Variants in UNC45B observed in about 807,000 individuals in gnomAD.
UNC45B encodes the protein protein unc-45 homolog B.
A neutral mutation model predicts 98.7 loss-of-function variants in UNC45B; 78 were observed. The ratio of observed to expected loss-of-function variants is 0.79; its 90% CI spans 0.66 to 0.95. The LOEUF is 0.95. Among genes scored for constraint, UNC45B ranks in the 40% least tolerant of loss-of-function variants. UNC45B has a pLI of 0.00. For synonymous variants in UNC45B, 462 were observed against 480.4 expected (o/e 0.96, Z 0.50); for missense variants, 1,225 against 1,184.9 (o/e 1.03, Z -0.50).
intron 9 of UNC45B, among the ~76,000 whole-genome samples, chr17:35,167,180 GTGT>G (rs372710378): frequency 1.8e-3 from 271 of 152,332 alleles, no homozygotes; most frequent in African/African-American, 6.0e-3. Context: ...AGGCCTTTTT[GTGT>G]TGTTGTCAAT....
At chr17:35,164,971 C>T (rs902650417) in intron 9 of UNC45B, among the ~76,000 whole-genome samples, 6 of 151,940 alleles carry the variant, frequency 3.9e-5, no homozygotes, top group Admixed American at 1.3e-4. Context: ...TGGGCTCAAG[C>T]GATCCTCCTG....
At chr17:35,169,008 G>A (rs1328912613) in intron 10 of UNC45B, among the ~76,000 whole-genome samples, 2 of 150,730 alleles carry the variant, frequency 1.3e-5, no homozygotes, top group Non-Finnish European at 3.0e-5. Context: ...TGCCTGGCCT[G>A]AAATTATTAT....
chr17:35,174,656 C>T (rs547064382), intron 14 of UNC45B, among the ~76,000 whole-genome samples: 3 of 151,982 alleles, frequency 2.0e-5, no homozygotes, highest in East Asian at 3.9e-4. Flanking sequence ...CCCATCTGTA[C>T]AAAAAAATTT....
At chr17:35,186,240 A>G (rs2092302489) in intron 19 of UNC45B, 59 bp from the exon 20 acceptor site, 2 of 1,589,586 alleles carry the variant, frequency 1.3e-6, no homozygotes, top group Non-Finnish European at 1.7e-6. Flanking sequence ...TTTCCAACAC[A>G]TGAACTCTGG....
intron 4 of UNC45B, among the ~76,000 whole-genome samples, chr17:35,150,968 A>G (rs2142528264): frequency 6.6e-6 from 1 of 152,154 alleles, no homozygotes; most frequent in Non-Finnish European, 1.5e-5. Context: ...GCTGGAGTAC[A>G]GTGGCATGAT....
chr17:35,161,447 T>C (rs182908587), intron 8 of UNC45B, among the ~76,000 whole-genome samples: 4 of 152,082 alleles, frequency 2.6e-5, no homozygotes, highest in Admixed American at 2.0e-4. Context: ...AGAAATGAGA[T>C]GCTCAAGGCA....
chr17:35,188,552 C>T lies in UNC45B; in HGVS notation c.*1993C>T, dbSNP rs2092316621. On this transcript the variant is annotated 3_prime_UTR_variant, in exon 20 of 20. Coordinates refer to ENST00000394570, the MANE Select transcript of UNC45B (RefSeq NM_001267052.2). ...GCAGTGGTGCAGTCATGGCTCACCG[C>T]AGCCTTGGTCTCCTGGGCTCAAGTG... 1.3e-5 allele frequency: 2 copies of T among 151,606 alleles called. No individual in the cohort carries two copies. The highest frequency in any genetic ancestry group is 4.2e-4 in the South Asian group (2 of 4,806). 9.4% of individuals were successfully genotyped at this position (151,606 alleles called of 1,614,324 possible). A position where few individuals can be genotyped will look rare whatever the true frequency, so the allele number is the denominator to read the frequency against.
chr17:35,176,921 C>A (rs1276071535), intron 15 of UNC45B, 96 bp from the exon 16 acceptor site: 1 of 910,322 alleles, frequency 1.1e-6, no homozygotes, highest in Non-Finnish European at 1.7e-6. Context: ...TTTCCTGGAC[C>A]TCCCATGGGA....
intron 13 of UNC45B, among the ~76,000 whole-genome samples, chr17:35,173,852 G>A (rs1055923839): frequency 5.6e-5 from 8 of 143,436 alleles, no homozygotes; most frequent in East Asian, 2.1e-4. Context: ...TCGCTGTGTC[G>A]CCCAGGCTGG....
At position 35,169,609 on chromosome 17, in the gene UNC45B, T is replaced by C. The variant is rs78934735; in HGVS notation, c.1453-228T>C. On this transcript the variant is annotated intron_variant, in intron 10 of 19. Transcript: ENST00000394570. ...CAAAATGGTGGGGGAAGGGGGCAGG[T>C]CAAGAATTTGCAACTTTATGGGCCT... 1.1e-3 allele frequency among the ~76,000 whole-genome samples: 174 copies of C among 152,156 alleles called. 5 individuals carry two copies. The East Asian group carries it at 0.03, about 26-fold the overall frequency.
chr17:35,183,575 C>A lies in UNC45B; in HGVS notation c.2522C>A (p.Thr841Asn). 6.4e-7 allele frequency: 1 copy of A among 1,561,466 alleles called. No individual in the cohort carries two copies. Among genetic ancestry groups the A allele is most frequent in the South Asian group, 1.2e-5 (1 of 81,886 alleles). Residue 841 changes from threonine to asparagine, a missense_variant, in exon 19 of 20, where the codon ACT becomes AAT. Physicochemically the swap from Thr to Asn is moderately conservative, Grantham distance 65. Transcript: ENST00000394570. ...AAHKKLCLKM[T>N]QVTTQWLEIL... The stretch of plus-strand genomic sequence containing the variant: ...CACAAGAAACTGTGCCTCAAGATGA[C>A]TCAAGTGGTAAGAGCTGGCCCTGGG...
At chr17:35,156,567 A>G (rs1278136192) in intron 7 of UNC45B, among the ~76,000 whole-genome samples, 1 of 152,186 alleles carries the variant, frequency 6.6e-6, no homozygotes, top group African/African-American at 2.4e-5. Flanking sequence ...CGAAGTTTGC[A>G]GTGAGCCGAG....
intron 18 of UNC45B, among the ~76,000 whole-genome samples, chr17:35,181,617 C>G (rs376082209): frequency 6.6e-6 from 1 of 152,204 alleles, no homozygotes; most frequent in South Asian, 2.1e-4. Context: ...ATGGCAAAAC[C>G]CTGTCTCTAC....
rs2092239065 is a variant in UNC45B at position 35,177,043 on chromosome 17, C to T, written c.2052C>T (p.Gly684=). 6.2e-7 allele frequency: 1 copy of T among 1,614,158 alleles called. No individual in the cohort carries two copies. Among genetic ancestry groups the T allele is most frequent in the East Asian group, 2.2e-5 (1 of 44,886 alleles). The stretch of plus-strand genomic sequence containing the variant: ...CCCTGATTCCCCTGGCTTTGGAGGG[C>T]ACAGATGTGGGCAAGGTGAAGGCAG... The part of the protein sequence containing the change: ...GKALIPLALE[G]TDVGKVKAAH... Residue 684 remains glycine (G), a synonymous_variant, in exon 16 of 20, where the codon GGC becomes GGT. Coordinates refer to ENST00000394570, the MANE Select transcript of UNC45B (RefSeq NM_001267052.2).
At position 35,188,357 on chromosome 17, in the gene UNC45B, T is replaced by A. The variant is rs2092315548; in HGVS notation, c.*1798T>A. The A allele has an allele frequency of 6.6e-6, 1 of 152,134 alleles. No homozygotes were observed. Among genetic ancestry groups the A allele is most frequent in the African/African-American group, 2.4e-5 (1 of 41,402 alleles). The allele number at this position is 152,134 out of a possible 1,614,324, so 9.4% of individuals were successfully genotyped here. ...TGTATTTAGCTCCTTTAAAGGAAAC[T>A]CTTTCACAGGCAGGGCCACACTCTT... On this transcript the variant is annotated 3_prime_UTR_variant, in exon 20 of 20. Coordinates refer to ENST00000394570, the MANE Select transcript of UNC45B (RefSeq NM_001267052.2).
At chr17:35,150,287 T>C in intron 4 of UNC45B, 64 bp downstream of exon 4, 1 of 1,535,630 alleles carries the variant, frequency 6.5e-7, no homozygotes, top group Non-Finnish European at 8.8e-7. Context: ...CTAGTAGGAA[T>C]GGGTTAGGGA....
chr17:35,174,777 G>A (rs923131982), intron 14 of UNC45B, among the ~76,000 whole-genome samples: 1 of 151,828 alleles, frequency 6.6e-6, no homozygotes, highest in Non-Finnish European at 1.5e-5. Flanking sequence ...TGATGATGGT[G>A]CTACTGCACT....
At chr17:35,163,973 C>G in intron 8 of UNC45B, 22 bp from the exon 9 acceptor site, 1 of 1,589,634 alleles carries the variant, frequency 6.3e-7, no homozygotes, top group Non-Finnish European at 8.6e-7. Flanking sequence ...GAATCTTAGG[C>G]TTGCCACTGT....
chr17:35,180,290 A>AGAGAGAGAGAGAGAGAGAG (rs1597934958), intron 17 of UNC45B, among the ~76,000 whole-genome samples: 3 of 90,868 alleles, frequency 3.3e-5, no homozygotes, highest in East Asian at 4.2e-4. Context: ...GAGAGAGAGA[A>AGAGAGAGAGAGAGAGAGAG]TTTCTTTACT....
Sources: allele counts gnomAD v4.1 joint callset (sites outside exome capture counted in the v4.1 genomes callset), GRCh38; gene constraint gnomAD v4.1.1; transcripts MANE v1.5; gene names NCBI Gene and HGNC (gene_info 2026-07-23, HGNC 2026-07-21).